The following SYT9 variants were observed in gnomAD, a reference collection of about 807,000 sequenced individuals.
SYT9 encodes the protein synaptotagmin-9.
A neutral mutation model predicts 48.4 loss-of-function variants in SYT9; 22 were observed. The ratio of observed to expected loss-of-function variants is 0.45; its 90% CI spans 0.32 to 0.65. SYT9 has a LOEUF of 0.65. Ranked by LOEUF, SYT9 falls within the 30% of genes least tolerant of loss-of-function variation. The pLI is 0.03. For missense variants in SYT9, 577 were observed against 622.0 expected (o/e 0.93, Z 0.77); for synonymous variants, 265 against 245.0 (o/e 1.08, Z -0.76).
chr11:7,397,228 A>G (rs1846772913), intron 3 of SYT9, among the ~76,000 whole-genome samples: 1 of 152,102 alleles, frequency 6.6e-6, no homozygotes. Flanking sequence ...TTGCAAATAG[A>G]TATCCAATTA....
chr11:7,279,209 G>A (rs535064305), intron 1 of SYT9, among the ~76,000 whole-genome samples: 8 of 152,252 alleles, frequency 5.3e-5, no homozygotes, highest in Non-Finnish European at 1.0e-4. Flanking sequence ...TTTAGCAGAT[G>A]GTTTGAGAGC....
chr11:7,359,119 C>T (rs1293560936), intron 3 of SYT9, among the ~76,000 whole-genome samples: 29 of 142,782 alleles, frequency 2.0e-4, no homozygotes, highest in East Asian at 8.3e-4. Context: ...TTTGTTCTTG[C>T]GATAGTTTAC....
chr11:7,348,009 AG>A (rs1268564226), intron 3 of SYT9, among the ~76,000 whole-genome samples: 1 of 152,204 alleles, frequency 6.6e-6, no homozygotes, highest in Non-Finnish European at 1.5e-5. Context: ...AGTGAGGGGA[AG>A]GGGGAGACAT....
intron 1 of SYT9, among the ~76,000 whole-genome samples, chr11:7,266,562 A>G (rs1036545165): frequency 6.6e-6 from 1 of 152,144 alleles, no homozygotes; most frequent in Non-Finnish European, 1.5e-5. Context: ...GCTGATAAAG[A>G]TTAAAACTGC....
chr11:7,357,351 G>T (rs1318117213), intron 3 of SYT9, among the ~76,000 whole-genome samples: 1 of 152,136 alleles, frequency 6.6e-6, no homozygotes, highest in Non-Finnish European at 1.5e-5. Context: ...AATAGCAAAA[G>T]AGAGCCAATA....
chr11:7,362,634 C>T (rs1293258224), intron 3 of SYT9, among the ~76,000 whole-genome samples: 1 of 152,094 alleles, frequency 6.6e-6, no homozygotes, highest in Non-Finnish European at 1.5e-5. Context: ...TTGCTTTAAC[C>T]TGAATAATGT....
Position 7,371,422 on chromosome 11 carries a change from T to G in SYT9, c.1045-44620T>G, listed in dbSNP as rs541061660. Among the ~76,000 whole-genome samples, 5 of 152,202 alleles carry G rather than the reference T, an allele frequency of 3.3e-5. No homozygotes were observed. In the South Asian group the frequency reaches 1.0e-3, roughly 32 times the overall value. ...AAATCTAGATTCATAATTTTTAAGA[T>G]TTTTTCTATGTACATTATATTTTTG... is the stretch of plus-strand genomic sequence containing the variant. On this transcript the variant is annotated intron_variant, in intron 3 of 6. Coordinates refer to ENST00000318881, the MANE Select transcript of SYT9 (RefSeq NM_175733.4).
intron 1 of SYT9, among the ~76,000 whole-genome samples, chr11:7,298,298 T>C (rs1271695179): frequency 6.6e-6 from 1 of 152,202 alleles, no homozygotes; most frequent in African/African-American, 2.4e-5. Flanking sequence ...AATCACATTA[T>C]TTTACTTCTA....
At chr11:7,240,028 G>A (rs946103476) in intron 1 of SYT9, among the ~76,000 whole-genome samples, 11 of 152,106 alleles carry the variant, frequency 7.2e-5, no homozygotes, top group Non-Finnish European at 1.3e-4. Flanking sequence ...AAATCCTTAC[G>A]GACAAGGGTA....
chr11:7,320,473 A>G (rs998183418), intron 3 of SYT9, among the ~76,000 whole-genome samples: 11 of 152,122 alleles, frequency 7.2e-5, no homozygotes, highest in Admixed American at 6.6e-4. Context: ...TTTTCTTTCT[A>G]TAAGTGCAAA....
At chr11:7,301,198 A>G (rs1174697901) in intron 1 of SYT9, among the ~76,000 whole-genome samples, 1 of 152,218 alleles carries the variant, frequency 6.6e-6, no homozygotes, top group Non-Finnish European at 1.5e-5. Context: ...AGAGTTACCC[A>G]TATTGAAACT....
At chr11:7,420,135 G>T (rs1406196127) in intron 5 of SYT9, among the ~76,000 whole-genome samples, 1 of 152,164 alleles carries the variant, frequency 6.6e-6, no homozygotes, top group Non-Finnish European at 1.5e-5. Context: ...ATGCTTGGTT[G>T]CCTCTTGTGG....
intron 2 of SYT9, among the ~76,000 whole-genome samples, chr11:7,303,813 T>C (rs1183131707): frequency 6.6e-6 from 1 of 152,138 alleles, no homozygotes; most frequent in African/African-American, 2.4e-5. Context: ...TAACCACCCT[T>C]CCCTGCTGCC....
At chr11:7,274,526 C>T (rs1197186062) in intron 1 of SYT9, among the ~76,000 whole-genome samples, 2 of 152,110 alleles carry the variant, frequency 1.3e-5, no homozygotes, top group South Asian at 2.1e-4. Flanking sequence ...CCATGTTGGC[C>T]AGGCTGGTCT....
At position 7,417,976 on chromosome 11, in the gene SYT9, G is replaced by A. The variant is rs781371971; in HGVS notation, c.1185G>A (p.Ser395=). The change falls in exon 5 of 7, where the codon TCG becomes TCA. Residue 395 remains serine (S), a synonymous_variant. Transcript: ENST00000318881. ...GTCCAGATCCCTATGTGAAAGTCTC[G>A]CTGATGTGTGATGGCAGACGACTGA... The part of the protein sequence containing the change: ...TGASDPYVKV[S]LMCDGRRLKK... 5.0e-5 allele frequency: 80 copies of A among 1,613,718 alleles called. No homozygotes were observed. Among genetic ancestry groups the A allele is most frequent in the Non-Finnish European group, 6.6e-5 (78 of 1,179,886 alleles).
intron 3 of SYT9, among the ~76,000 whole-genome samples, chr11:7,370,134 G>T (rs1320132757): frequency 6.6e-6 from 1 of 152,180 alleles, no homozygotes; most frequent in African/African-American, 2.4e-5. Flanking sequence ...CCACATATCA[G>T]TGAGAACATC....
chr11:7,293,226 A>AGCCAGAAACAGTCATATTTC (rs1848725428), intron 1 of SYT9, among the ~76,000 whole-genome samples: 1 of 152,206 alleles, frequency 6.6e-6, no homozygotes, highest in South Asian at 2.1e-4. Context: ...GGAATCAGAG[A>AGCCAGAAACAGTCATATTTC]GCCAGAAACA....
intron 1 of SYT9, among the ~76,000 whole-genome samples, chr11:7,298,402 A>G (rs913529968): frequency 6.6e-6 from 1 of 152,156 alleles, no homozygotes; most frequent in Non-Finnish European, 1.5e-5. Context: ...CGGTACATGA[A>G]TTAATTTGCC....
intron 1 of SYT9, among the ~76,000 whole-genome samples, chr11:7,278,695 T>A (rs1234905031): frequency 6.6e-6 from 1 of 152,178 alleles, no homozygotes; most frequent in Non-Finnish European, 1.5e-5. Context: ...CTAGGTATAG[T>A]TTTAAGTAGC....
Sources: gnomAD v4.1 joint callset for allele counts (sites outside exome capture counted in the v4.1 genomes callset) on GRCh38, gnomAD v4.1.1 for gene constraint, MANE v1.5 for transcripts, NCBI Gene and HGNC (gene_info 2026-07-23, HGNC 2026-07-21) for gene names.